C1QTNF2: variants seen among roughly 807,000 people sequenced by gnomAD.
C1QTNF2 encodes the protein C1q and TNF related 2.
A neutral mutation model predicts 17.4 loss-of-function variants in C1QTNF2; 15 were observed. The observed-to-expected ratio is 0.86, with a 90% CI of 0.58 to 1.33. C1QTNF2 has a LOEUF of 1.33. C1QTNF2 is among the 40% of genes most tolerant of loss of function. The pLI is 0.00. For synonymous variants in C1QTNF2, 154 were observed against 163.3 expected (o/e 0.94, Z 0.44); for missense variants, 381 against 392.3 (o/e 0.97, Z 0.24).
At chr5:160,353,722 C>T (rs184361128) in intron 2 of C1QTNF2, among the ~76,000 whole-genome samples, 8 of 149,356 alleles carry the variant, frequency 5.4e-5, no homozygotes, top group African/African-American at 2.0e-4. Context: ...GAAGCAGAGC[C>T]GTGACAATGA....
At chr5:160,353,492 C>T (rs1763964551) in intron 2 of C1QTNF2, among the ~76,000 whole-genome samples, 1 of 152,108 alleles carries the variant, frequency 6.6e-6, no homozygotes, top group Admixed American at 6.5e-5. Flanking sequence ...CCCCCACCAC[C>T]CACTCACACA....
chr5:160,367,876 A>T (rs1295832723), intron 1 of C1QTNF2, among the ~76,000 whole-genome samples: 3 of 152,210 alleles, frequency 2.0e-5, no homozygotes, highest in Non-Finnish European at 4.4e-5. Flanking sequence ...ATGATTCTCC[A>T]TGTATGTTGT....
Position 160,349,796 on chromosome 5 carries a change from A to G in C1QTNF2, c.245-15T>C. 2 of 1,515,008 alleles carry G rather than the reference A, an allele frequency of 1.3e-6. No homozygotes were observed. The highest frequency in any genetic ancestry group is 1.7e-6 in the Non-Finnish European group (2 of 1,142,906). 93.8% of individuals were successfully genotyped at this position (1,515,008 alleles called of 1,614,324 possible). On this transcript the variant is annotated splice_polypyrimidine_tract_variant and intron_variant, in intron 2 of 2. Transcript: ENST00000652664. The surrounding 1 kb of genome is among the most constrained non-coding windows in gnomAD (Gnocchi z 4.3). ...GCCAGGTGGACCTGGAAGACAGAGC[A>G]GCTGGTGTTATGGAGGGTCCTCACA...
chr5:160,365,591 A>AC (rs1309366574), intron 1 of C1QTNF2, among the ~76,000 whole-genome samples: 3 of 151,998 alleles, frequency 2.0e-5, no homozygotes, highest in African/African-American at 7.3e-5. Flanking sequence ...ATCTCTACAA[A>AC]GAAAAAAAAA....
At chr5:160,350,574 T>G (rs1166155613) in intron 2 of C1QTNF2, among the ~76,000 whole-genome samples, 2 of 152,266 alleles carry the variant, frequency 1.3e-5, no homozygotes, top group Admixed American at 1.3e-4. Flanking sequence ...TGGTGGCATA[T>G]GCCTTTAGCC....
intron 2 of C1QTNF2, 93 bp downstream of exon 2, chr5:160,354,675 A>T: frequency 7.8e-7 from 1 of 1,282,694 alleles, no homozygotes. Context: ...AATGAAGAGG[A>T]TTAATACTAG....
At position 160,349,216 on chromosome 5, in the gene C1QTNF2, A is replaced by G. The variant is rs1360482897; in HGVS notation, c.810T>C (p.Phe270=). The part of the protein sequence containing the change: ...FYDPYWTDSL[F]TGFLIYADQD... ...GGTCGGCATAGATTAGGAAGCCCGT[A>G]AAGAGGCTGTCTGTCCAGTAAGGGT... The change falls in exon 3 of 3, where the codon TTT becomes TTC. Residue 270 remains phenylalanine (F), a synonymous_variant. Transcript: ENST00000652664. The surrounding 1 kb of genome is among the most constrained non-coding windows in gnomAD (Gnocchi z 4.3). 6 of 1,614,154 alleles carry G rather than the reference A, an allele frequency of 3.7e-6. No homozygotes were observed. The highest frequency in any genetic ancestry group is 1.3e-5 in the African/African-American group (1 of 75,056).
chr5:160,358,139 C>T (rs769054326), intron 1 of C1QTNF2, among the ~76,000 whole-genome samples: 2 of 152,334 alleles, frequency 1.3e-5, no homozygotes, highest in African/African-American at 4.8e-5. Context: ...AGGGAGGAAG[C>T]GTTTTCTGAA....
chr5:160,354,162 T>A (rs955312141), intron 2 of C1QTNF2, among the ~76,000 whole-genome samples: 3 of 152,154 alleles, frequency 2.0e-5, no homozygotes, highest in African/African-American at 7.2e-5. Context: ...TGAGTTTCTG[T>A]CACTTGCAAT....
At chr5:160,369,661 G>C (rs1218161877) in intron 1 of C1QTNF2, among the ~76,000 whole-genome samples, 1 of 152,186 alleles carries the variant, frequency 6.6e-6, no homozygotes, top group African/African-American at 2.4e-5. Context: ...CTAAGGAAGG[G>C]ACCTCTGCAG....
At chr5:160,370,047 G>A (rs1238323165) in intron 1 of C1QTNF2, among the ~76,000 whole-genome samples, 1 of 152,144 alleles carries the variant, frequency 6.6e-6, no homozygotes, top group East Asian at 1.9e-4. Flanking sequence ...TTGTTAGCTC[G>A]GGTATTGGAC....
Position 160,352,211 on chromosome 5 carries a change from A to G in C1QTNF2, c.245-2430T>C, listed in dbSNP as rs568613347. Among the ~76,000 whole-genome samples the G allele has an allele frequency of 1.2e-4, 19 of 152,324 alleles. No individual in the cohort carries two copies. The South Asian group carries it at 3.7e-3, about 30-fold the overall frequency. The stretch of plus-strand genomic sequence containing the variant: ...GGCATGAGCCACCACGCAGCCTCCA[A>G]GTCATTTTGACTTGGGGTTTTTGGC... On this transcript the variant is annotated intron_variant, in intron 2 of 2. Coordinates refer to ENST00000652664, the MANE Select transcript of C1QTNF2 (RefSeq NM_031908.6).
chr5:160,364,526 T>C (rs753465511), intron 1 of C1QTNF2, among the ~76,000 whole-genome samples: 8 of 152,254 alleles, frequency 5.3e-5, no homozygotes, highest in Non-Finnish European at 1.0e-4. Flanking sequence ...TTGAATGTAA[T>C]GATACGAGTT....
rs1335075328 is a variant in C1QTNF2, at chr5:160,349,832, G to A, written c.245-51C>T. On this transcript the variant is annotated intron_variant, in intron 2 of 2. Coordinates refer to ENST00000652664, the MANE Select transcript of C1QTNF2 (RefSeq NM_031908.6). This position sits in a 1 kb window ranked among gnomAD's most constrained non-coding sequence, Gnocchi z 4.3. Reference sequence around the variant, plus strand: ...TGGAGGGTCCTCACAGACCTAGGCAGAGGGGTGCGGTGCGGCTTGGTCTTC... The same window carrying A: ...TGGAGGGTCCTCACAGACCTAGGCAAAGGGGTGCGGTGCGGCTTGGTCTTC... The A allele has an allele frequency of 1.3e-6, 2 of 1,499,146 alleles. No homozygotes were observed. The highest frequency in any genetic ancestry group is 1.8e-6 in the Non-Finnish European group (2 of 1,133,666). The allele number at this position is 1,499,146 out of a possible 1,614,324, so 92.9% of individuals were successfully genotyped here. A position where few individuals can be genotyped will look rare whatever the true frequency, so the allele number is the denominator to read the frequency against.
At chr5:160,356,374 A>G (rs1764050904) in intron 1 of C1QTNF2, among the ~76,000 whole-genome samples, 1 of 152,228 alleles carries the variant, frequency 6.6e-6, no homozygotes, top group East Asian at 1.9e-4. Flanking sequence ...TTCAGTGCGC[A>G]TCACACTCAC....
At position 160,349,703 on chromosome 5, in the gene C1QTNF2, CG is replaced by C. The variant is rs772822571; in HGVS notation, c.322del (p.Arg108ValfsTer49). 3 of 1,592,922 alleles carry C rather than the reference CG, an allele frequency of 1.9e-6. No individual in the cohort carries two copies. The highest frequency in any genetic ancestry group is 1.8e-5 in the Admixed American group (1 of 55,348). On this transcript the variant is annotated frameshift_variant, in exon 3 of 3. Transcript: ENST00000652664. LOFTEE classifies it high-confidence loss of function. The surrounding 1 kb of genome is among the most constrained non-coding windows in gnomAD (Gnocchi z 4.3). ...KAGAIGRAGPRGPKGVNGTPG... is the reference protein window; with the variant it reads ...KAGAIGRAGPXGPKGVNGTPG... ...GGTACCGTTGACCCCCTTGGGGCCA[CG>C]GGGGCCAGCCCGCCCAATGGCCCCG...
In C1QTNF2 at chr5:160,349,669, C is replaced by T. The variant is rs1040273345; in HGVS notation, c.357G>A (p.Lys119=). 1.5e-5 allele frequency: 25 copies of T among 1,613,334 alleles called. No individual in the cohort carries two copies. The highest frequency in any genetic ancestry group is 2.1e-5 in the Non-Finnish European group (25 of 1,179,882). Residue 119 remains lysine (K), a synonymous_variant, in exon 3 of 3, where the codon AAG becomes AAA. Transcript: ENST00000652664. This position sits in a 1 kb window ranked among gnomAD's most constrained non-coding sequence, Gnocchi z 4.3. Reference sequence around the variant, plus strand: ...GCCCCTTCTTGCCTGGTGTGCCATGCTTCCCGGGGGTACCGTTGACCCCCT... The same window carrying T: ...GCCCCTTCTTGCCTGGTGTGCCATGTTTCCCGGGGGTACCGTTGACCCCCT... The part of the protein sequence containing the change: ...GPKGVNGTPG[K]HGTPGKKGPK...
chr5:160,352,556 G>A (rs1763946151), intron 2 of C1QTNF2, among the ~76,000 whole-genome samples: 1 of 152,164 alleles, frequency 6.6e-6, no homozygotes, highest in African/African-American at 2.4e-5. Flanking sequence ...CCAGTACATG[G>A]TAGAACTTCC....
At chr5:160,366,276 C>T (rs536196085) in intron 1 of C1QTNF2, among the ~76,000 whole-genome samples, 27 of 152,266 alleles carry the variant, frequency 1.8e-4, no homozygotes, top group African/African-American at 6.0e-4. Flanking sequence ...TTAGGAATGC[C>T]TCCCTTGAGT....
Sources: gnomAD v4.1 joint callset for allele counts (sites outside exome capture counted in the v4.1 genomes callset) on GRCh38, gnomAD v4.1.1 for gene constraint, Gnocchi (gnomAD v3.1) non-coding constraint, MANE v1.5 for transcripts, NCBI Gene and HGNC (gene_info 2026-07-23, HGNC 2026-07-21) for gene names.